ALS2: variants seen among roughly 807,000 people sequenced by gnomAD.
ALS2 encodes the protein alsin Rho guanine nucleotide exchange factor ALS2.
A neutral mutation model predicts 203.4 loss-of-function variants in ALS2; 117 were observed. The observed-to-expected ratio is 0.58, with a 90% confidence interval of 0.50 to 0.67. The LOEUF is 0.67. ALS2 is among the 30% of genes least tolerant of loss of function. The pLI is 0.00. For synonymous variants in ALS2, 718 were observed against 725.9 expected (o/e 0.99, Z 0.17); for missense variants, 1,715 against 1,989.4 (o/e 0.86, Z 2.62).
At chr2:201,713,602 G>A (rs6707021) in intron 25 of ALS2, among the ~76,000 whole-genome samples, 136,076 of 152,232 alleles carry the variant, frequency 0.89, 61,033 homozygotes, top group East Asian at 0.98. Context: ...TTCTGCCACT[G>A]AGTTCATACA....
chr2:201,758,758 G>A (rs993940457), intron 4 of ALS2, among the ~76,000 whole-genome samples: 4 of 86,664 alleles, frequency 4.6e-5, no homozygotes, highest in Admixed American at 1.5e-4. Flanking sequence ...GTGTGTGTGC[G>A]CATGTGTGTG....
chr2:201,758,759 C>CGCGCGT (rs74613232), intron 4 of ALS2, among the ~76,000 whole-genome samples: 19 of 132,078 alleles, frequency 1.4e-4, no homozygotes, highest in East Asian at 5.4e-4. Context: ...TGTGTGTGCG[C>CGCGCGT]ATGTGTGTGT....
intron 3 of ALS2, chr2:201,763,283 C>G (rs546393500): frequency 2.8e-5 from 5 of 181,398 alleles, no homozygotes; most frequent in African/African-American, 9.5e-5. Context: ...GCGCCTCATC[C>G]CTGCACCCAG....
At chr2:201,724,165 C>T in intron 21 of ALS2, 130 bp downstream of exon 21, 7 of 942,282 alleles carry the variant, frequency 7.4e-6, no homozygotes, top group Non-Finnish European at 1.1e-5. Flanking sequence ...GTTCATTTTT[C>T]ACCTACTCAA....
At chr2:201,740,403 G>C (rs983385084) in intron 11 of ALS2, among the ~76,000 whole-genome samples, 4 of 152,124 alleles carry the variant, frequency 2.6e-5, no homozygotes, top group Admixed American at 2.0e-4. Context: ...GTTAAAAAAA[G>C]CCCAAAGTAT....
intron 9 of ALS2, among the ~76,000 whole-genome samples, 184 bp downstream of exon 9, chr2:201,746,382 G>A (rs1203091709): frequency 6.6e-6 from 1 of 152,178 alleles, no homozygotes; most frequent in Non-Finnish European, 1.5e-5. Context: ...TAGTGTATTC[G>A]ATGGTGATAG....
chr2:201,728,744 G>T, intron 14 of ALS2, 104 bp from the exon 15 acceptor site: 1 of 1,385,268 alleles, frequency 7.2e-7, no homozygotes, highest in Non-Finnish European at 1.0e-6. Context: ...GAATTTGCTG[G>T]TCGTAGCTTA....
rs1559079884 is a variant in ALS2, at chr2:201,757,776, T to TA, written c.1114-18dup. ...TAAAAGAGGCTAAAATATACACACA[T>TA]AAAAAATTATATAAAAATATAATCC... On this transcript the variant is annotated splice_polypyrimidine_tract_variant and intron_variant, in intron 4 of 33. Coordinates refer to ENST00000264276, the MANE Select transcript of ALS2 (RefSeq NM_020919.4). The TA allele has an allele frequency of 3.2e-6, 5 of 1,548,060 alleles. No individual in the cohort carries two copies. The highest frequency in any genetic ancestry group is 1.1e-5 in the South Asian group (1 of 89,036).
At chr2:201,776,295 C>T (rs761316763) in intron 1 of ALS2, among the ~76,000 whole-genome samples, 1 of 152,012 alleles carries the variant, frequency 6.6e-6, no homozygotes, top group Non-Finnish European at 1.5e-5. Context: ...TAATGCCTTG[C>T]TAATTTCATG....
chr2:201,700,849 C>T lies in ALS2; in HGVS notation c.*1002G>A, dbSNP rs1332383797. On this transcript the variant is annotated 3_prime_UTR_variant, in exon 34 of 34. Coordinates refer to ENST00000264276, the MANE Select transcript of ALS2 (RefSeq NM_020919.4). ...AGGGCATTTTTTAAAAAGCAAAACA[C>T]TGAAATGTTGAGGTGCCACAATACT... The T allele has an allele frequency of 1.3e-5, 2 of 152,336 alleles. No individual in the cohort carries two copies. Among genetic ancestry groups the T allele is most frequent in the East Asian group, 3.8e-4 (2 of 5,196 alleles). The allele number at this position is 152,336 out of a possible 1,614,324, so 9.4% of individuals were successfully genotyped here. A position where few individuals can be genotyped will look rare whatever the true frequency, so the allele number is the denominator to read the frequency against.
intron 8 of ALS2, among the ~76,000 whole-genome samples, chr2:201,747,425 G>C (rs1293225536): frequency 6.6e-6 from 1 of 151,602 alleles, no homozygotes; most frequent in African/African-American, 2.4e-5. Flanking sequence ...AGCTACTGGG[G>C]GAAGGGGAAT....
At chr2:201,771,154 C>A (rs1454491947) in intron 1 of ALS2, among the ~76,000 whole-genome samples, 2 of 150,186 alleles carry the variant, frequency 1.3e-5, no homozygotes, top group Non-Finnish European at 3.0e-5. Context: ...TCAAGCAATT[C>A]TCCTGCCTCA....
Position 201,761,721 on chromosome 2 carries a change from T to G in ALS2, c.273A>C (p.Gln91His). The G allele has an allele frequency of 1.2e-6, 2 of 1,614,110 alleles. No homozygotes were observed. Among genetic ancestry groups the G allele is most frequent in the East Asian group, 2.2e-5 (1 of 44,884 alleles). Reference protein sequence around the residue: ...SPILENALVGQYVITVATGSF... With the variant: ...SPILENALVGHYVITVATGSF... ...TTCCTGTTGCCACAGTAATAACATATTGCCCAACCAGGGCATTTTCTAGAA... is the reference window on the plus strand; with the variant it reads ...TTCCTGTTGCCACAGTAATAACATAGTGCCCAACCAGGGCATTTTCTAGAA... The change falls in exon 4 of 34, where the codon CAA becomes CAC. Residue 91 changes from glutamine to histidine, a missense_variant. Transcript: ENST00000264276.
chr2:201,773,507 G>A (rs1193352537), intron 1 of ALS2, among the ~76,000 whole-genome samples: 1 of 152,166 alleles, frequency 6.6e-6, no homozygotes, highest in African/African-American at 2.4e-5. Flanking sequence ...CCTGAAATGG[G>A]CAAGAGTGAG....
rs1694144921 is a variant in ALS2, at chr2:201,767,403, A to G, written c.21-20T>C. 2 of 1,612,786 alleles carry G rather than the reference A, an allele frequency of 1.2e-6. No individual in the cohort carries two copies. Among genetic ancestry groups the G allele is most frequent in the Non-Finnish European group, 1.7e-6 (2 of 1,179,058 alleles). On this transcript the variant is annotated intron_variant, in intron 2 of 33. Coordinates refer to ENST00000264276, the MANE Select transcript of ALS2 (RefSeq NM_020919.4). The stretch of plus-strand genomic sequence containing the variant: ...GTTGAGCTAAAACATCAAGAAACAT[A>G]GCTTAATTGTTTCTACAATTCAGAA...
intron 2 of ALS2, among the ~76,000 whole-genome samples, chr2:201,768,354 C>T (rs913279432): frequency 1.3e-5 from 2 of 152,164 alleles, no homozygotes; most frequent in Admixed American, 6.5e-5. Flanking sequence ...ATATGTGCCA[C>T]CATTGGTAAT....
intron 13 of ALS2, among the ~76,000 whole-genome samples, chr2:201,732,943 GCT>G (rs879149531): frequency 2.6e-5 from 4 of 152,146 alleles, no homozygotes; most frequent in African/African-American, 9.7e-5. Flanking sequence ...GCTTTAAAGA[GCT>G]CTGTTTAACT....
At chr2:201,720,257 A>G (rs1690680346) in intron 23 of ALS2, 1 of 334,626 alleles carries the variant, frequency 3.0e-6, no homozygotes, top group African/African-American at 2.3e-5. Context: ...CATATAAAAA[A>G]AATTATACAC....
At chr2:201,717,190 C>T (rs1038629936) in intron 24 of ALS2, among the ~76,000 whole-genome samples, 2 of 151,960 alleles carry the variant, frequency 1.3e-5, no homozygotes, top group African/African-American at 4.8e-5. Context: ...TCAGGCTGGG[C>T]GCGGTGGCTC....
Sources: allele counts gnomAD v4.1 joint callset (sites outside exome capture counted in the v4.1 genomes callset), GRCh38; gene constraint gnomAD v4.1.1; transcripts MANE v1.5; gene names NCBI Gene and HGNC (gene_info 2026-07-23, HGNC 2026-07-21).